Variants in COLEC12 observed in about 807,000 individuals in gnomAD.
COLEC12 encodes the protein collectin subfamily member 12.
Under a neutral mutation model 71.1 loss-of-function variants are expected in COLEC12, and 33 were observed. The observed-to-expected ratio is 0.46, with a 90% CI of 0.35 to 0.62. The LOEUF (loss-of-function observed/expected upper bound fraction) is 0.62. Ranked by LOEUF, COLEC12 falls within the 20% of genes least tolerant of loss-of-function variation. The pLI, the probability that COLEC12 is intolerant of heterozygous loss-of-function variation, is 0.00. For missense variants in COLEC12, 765 were observed against 916.1 expected (o/e 0.84, Z 2.13); for synonymous variants, 350 against 353.0 (o/e 0.99, Z 0.10).
intron 2 of COLEC12, among the ~76,000 whole-genome samples, chr18:466,108 C>CAGTT (rs1435320832): frequency 1.3e-5 from 2 of 151,986 alleles, no homozygotes; most frequent in Non-Finnish European, 2.9e-5. Context: ...GGCACAGTGG[C>CAGTT]AGTTGCCTGT....
intron 2 of COLEC12, among the ~76,000 whole-genome samples, chr18:393,177 G>A (rs942519922): frequency 3.3e-5 from 5 of 152,204 alleles, no homozygotes; most frequent in Non-Finnish European, 4.4e-5. Flanking sequence ...CCATTGGCTC[G>A]CACTGAGGGA....
intron 2 of COLEC12, among the ~76,000 whole-genome samples, chr18:440,188 T>C (rs144232230): frequency 1.6e-3 from 244 of 151,838 alleles, no homozygotes; most frequent in South Asian, 0.014. Context: ...AGTAGAACAG[T>C]AGTTGCGACA....
chr18:341,983 T>C (rs767420089), intron 5 of COLEC12, among the ~76,000 whole-genome samples: 9 of 152,246 alleles, frequency 5.9e-5, no homozygotes, highest in Admixed American at 3.3e-4. Context: ...CCTAGAAGCA[T>C]GTGTGAGAAG....
chr18:445,195 A>C (rs1438986269), intron 2 of COLEC12, among the ~76,000 whole-genome samples: 1 of 152,178 alleles, frequency 6.6e-6, no homozygotes, highest in Admixed American at 6.5e-5. Context: ...AATAACATGC[A>C]CTTGTTCTTT....
At chr18:486,981 G>A (rs984333615) in intron 1 of COLEC12, among the ~76,000 whole-genome samples, 4 of 152,080 alleles carry the variant, frequency 2.6e-5, no homozygotes, top group African/African-American at 9.7e-5. Context: ...ATACCTACGA[G>A]AAATAAAAAC....
At chr18:331,078 G>A (rs1456535278) in intron 8 of COLEC12, among the ~76,000 whole-genome samples, 8 of 151,822 alleles carry the variant, frequency 5.3e-5, no homozygotes, top group Non-Finnish European at 1.2e-4. Flanking sequence ...TAGTAGAGAC[G>A]AGGTTTCACC....
At chr18:370,656 G>A (rs915143328) in intron 2 of COLEC12, among the ~76,000 whole-genome samples, 9 of 152,214 alleles carry the variant, frequency 5.9e-5, no homozygotes, top group African/African-American at 2.2e-4. Context: ...TGTGGTAAGA[G>A]AGACCCTTCC....
intron 3 of COLEC12, among the ~76,000 whole-genome samples, chr18:351,325 T>G (rs760155157): frequency 7.9e-4 from 120 of 152,228 alleles, no homozygotes; most frequent in Non-Finnish European, 1.3e-3. Context: ...TAAGTCCTAT[T>G]TGCTCTTCAA....
intron 5 of COLEC12, among the ~76,000 whole-genome samples, chr18:339,484 C>T (rs902071019): frequency 1.3e-5 from 2 of 152,174 alleles, no homozygotes; most frequent in Non-Finnish European, 2.9e-5. Flanking sequence ...GGGAAATGCA[C>T]GTTTTTGCCG....
At chr18:439,498 C>CT (rs58885696) in intron 2 of COLEC12, among the ~76,000 whole-genome samples, 111,238 of 146,076 alleles carry the variant, frequency 0.76, 44,111 homozygotes, top group Non-Finnish European at 0.88. Flanking sequence ...AGCAGAGATT[C>CT]TTTTTTTTTT....
intron 2 of COLEC12, among the ~76,000 whole-genome samples, chr18:365,468 T>C (rs1413871982): frequency 6.6e-6 from 1 of 152,118 alleles, no homozygotes; most frequent in Non-Finnish European, 1.5e-5. Flanking sequence ...TGAAACCAAA[T>C]AAATTGGTCA....
At chr18:371,527 T>A (rs1914999534) in intron 2 of COLEC12, among the ~76,000 whole-genome samples, 1 of 152,072 alleles carries the variant, frequency 6.6e-6, no homozygotes, top group South Asian at 2.1e-4. Context: ...GACCCCTTCT[T>A]TCAAAGGTTT....
intron 2 of COLEC12, among the ~76,000 whole-genome samples, chr18:359,718 C>T (rs968618119): frequency 6.6e-6 from 1 of 152,154 alleles, no homozygotes; most frequent in Non-Finnish European, 1.5e-5. Flanking sequence ...TCAGGAGATT[C>T]CCTGTTTTCC....
At chr18:373,824 C>G (rs921792540) in intron 2 of COLEC12, among the ~76,000 whole-genome samples, 1 of 151,988 alleles carries the variant, frequency 6.6e-6, no homozygotes, top group Non-Finnish European at 1.5e-5. Flanking sequence ...GTGTCCAGTA[C>G]CGAATGATGC....
At chr18:326,300 T>C (rs1913839909) in intron 8 of COLEC12, among the ~76,000 whole-genome samples, 1 of 152,224 alleles carries the variant, frequency 6.6e-6, no homozygotes, top group South Asian at 2.1e-4. Context: ...CTATGTCTAA[T>C]TTAATTATTT....
At chr18:339,107 A>G (rs1914186099) in intron 5 of COLEC12, among the ~76,000 whole-genome samples, 1 of 151,678 alleles carries the variant, frequency 6.6e-6, no homozygotes. Flanking sequence ...GGGACTGATC[A>G]CAGGCTTGTG....
intron 2 of COLEC12, among the ~76,000 whole-genome samples, chr18:473,751 T>C (rs1266920941): frequency 1.3e-5 from 2 of 152,252 alleles, no homozygotes; most frequent in Admixed American, 6.5e-5. Context: ...TTTCCCACTC[T>C]ACCCCTCAAC....
chr18:412,522 TAGGA>T (rs1915912707), intron 2 of COLEC12, among the ~76,000 whole-genome samples: 1 of 151,600 alleles, frequency 6.6e-6, no homozygotes, highest in Non-Finnish European at 1.5e-5. Flanking sequence ...CCTTCAATAT[TAGGA>T]AGGAAGAACA....
intron 2 of COLEC12, among the ~76,000 whole-genome samples, chr18:433,363 C>T (rs1002601559): frequency 2.2e-4 from 34 of 152,112 alleles, no homozygotes; most frequent in African/African-American, 8.2e-4. Context: ...AGAAAGGCTG[C>T]CCTTTAGTTT....
Sources: allele counts gnomAD v4.1 joint callset (sites outside exome capture counted in the v4.1 genomes callset), GRCh38; gene constraint gnomAD v4.1.1; transcripts MANE v1.5; gene names NCBI Gene and HGNC (gene_info 2026-07-23, HGNC 2026-07-21).